Variants in NME7 observed in about 807,000 individuals in gnomAD.
The protein encoded by NME7 is nucleoside diphosphate kinase 7.
A neutral mutation model predicts 49.1 loss-of-function variants in NME7; 41 were observed. That is an observed-to-expected ratio of 0.83 (90% confidence interval 0.65 to 1.08). The LOEUF (loss-of-function observed/expected upper bound fraction) is 1.08. Among genes scored for constraint, NME7 ranks in the 50% least tolerant of loss-of-function variants. The probability of loss-of-function intolerance (pLI) is 0.00; values close to 1 mark genes in which losing one functional copy is unlikely to be tolerated. For missense variants in NME7, 423 were observed against 463.4 expected, an observed-to-expected ratio of 0.91 and a Z score of 0.80; for synonymous variants, 139 against 150.6, an observed-to-expected ratio of 0.92 and a Z score of 0.56.
intron 11 of NME7, among the ~76,000 whole-genome samples, chr1:169,140,039 A>AT (rs1658544188): frequency 6.6e-6 from 1 of 152,242 alleles, no homozygotes; most frequent in Non-Finnish European, 1.5e-5. Flanking sequence ...ACTGTAGATA[A>AT]TATCAGTGTT....
chr1:169,353,217 A>C (rs569177520), intron 1 of NME7, among the ~76,000 whole-genome samples: 27 of 152,234 alleles, frequency 1.8e-4, no homozygotes, highest in African/African-American at 6.0e-4. Flanking sequence ...ATGGAACAGA[A>C]TAGAGAACCC....
At chr1:169,312,150 A>C (rs961043685) in intron 3 of NME7, among the ~76,000 whole-genome samples, 2 of 152,192 alleles carry the variant, frequency 1.3e-5, no homozygotes, top group Non-Finnish European at 2.9e-5. Context: ...TTCACCTAGG[A>C]TCATTCACAC....
intron 10 of NME7, among the ~76,000 whole-genome samples, chr1:169,215,447 T>G (rs1489015802): frequency 1.3e-5 from 2 of 152,246 alleles, no homozygotes; most frequent in East Asian, 3.9e-4. Context: ...GGTTTCAGGT[T>G]TTTTGGCTTG....
chr1:169,153,305 G>A (rs991736353), intron 11 of NME7, among the ~76,000 whole-genome samples: 6 of 152,114 alleles, frequency 3.9e-5, no homozygotes, highest in African/African-American at 1.2e-4. Flanking sequence ...TTACCATAAT[G>A]TTCATTATTG....
chr1:169,285,222 C>T (rs1169041514), intron 7 of NME7: 1 of 151,792 alleles, frequency 6.6e-6, no homozygotes, highest in East Asian at 1.9e-4. Flanking sequence ...TAAACATAAA[C>T]CAGTGGTTGA....
intron 10 of NME7, among the ~76,000 whole-genome samples, chr1:169,188,102 C>T (rs894183475): frequency 3.3e-5 from 5 of 152,178 alleles, no homozygotes; most frequent in African/African-American, 1.2e-4. Context: ...TGTAGGGTTT[C>T]TGCAGAGAGA....
chr1:169,342,145 T>A (rs1183541485), intron 1 of NME7, among the ~76,000 whole-genome samples: 1 of 152,084 alleles, frequency 6.6e-6, no homozygotes, highest in Non-Finnish European at 1.5e-5. Flanking sequence ...CGAATTGTAA[T>A]CCCCACATGT....
At chr1:169,335,489 A>AT (rs1244655014) in intron 1 of NME7, among the ~76,000 whole-genome samples, 1 of 151,770 alleles carries the variant, frequency 6.6e-6, no homozygotes, top group Non-Finnish European at 1.5e-5. Context: ...ATTCTCACTC[A>AT]TAAGTGGGAG....
chr1:169,295,857 T>G (rs147688720), intron 6 of NME7, among the ~76,000 whole-genome samples: 232 of 152,298 alleles, frequency 1.5e-3, no homozygotes, highest in African/African-American at 5.0e-3. Context: ...TCATCCTCAC[T>G]TTCAGCTGTT....
chr1:169,155,632 T>C (rs985364551), intron 11 of NME7, among the ~76,000 whole-genome samples: 1 of 152,224 alleles, frequency 6.6e-6, no homozygotes, highest in South Asian at 2.1e-4. Context: ...TAAAATGCTG[T>C]TGGTGATTAA....
chr1:169,168,019 A>G (rs1387768424), intron 11 of NME7, among the ~76,000 whole-genome samples: 2 of 152,182 alleles, frequency 1.3e-5, no homozygotes, highest in Non-Finnish European at 2.9e-5. Context: ...AATTGGTCAC[A>G]GCTGGCGCCA....
chr1:169,228,748 T>A (rs886266777), intron 10 of NME7, among the ~76,000 whole-genome samples: 3 of 151,034 alleles, frequency 2.0e-5, no homozygotes, highest in Non-Finnish European at 4.4e-5. Context: ...AATCAGAAAT[T>A]TAAAATGTTA....
chr1:169,282,765 T>A (rs892971976), intron 7 of NME7, among the ~76,000 whole-genome samples: 4 of 152,158 alleles, frequency 2.6e-5, no homozygotes. Flanking sequence ...CAGTTTTGAG[T>A]GAGTTTATTA....
chr1:169,181,908 T>C (rs1260691968), intron 10 of NME7, among the ~76,000 whole-genome samples: 1 of 152,150 alleles, frequency 6.6e-6, no homozygotes, highest in Non-Finnish European at 1.5e-5. Context: ...CTCAGGCTCC[T>C]TTATTTCCAC....
chr1:169,228,602 G>T (rs973169554), intron 10 of NME7, among the ~76,000 whole-genome samples: 1 of 150,442 alleles, frequency 6.6e-6, no homozygotes, highest in African/African-American at 2.4e-5. Flanking sequence ...GCGTGAACCC[G>T]GGAAGCGGAG....
intron 11 of NME7, among the ~76,000 whole-genome samples, chr1:169,160,305 C>T (rs1557967265): frequency 6.6e-6 from 1 of 152,154 alleles, no homozygotes; most frequent in African/African-American, 2.4e-5. Context: ...AAAAACCTCA[C>T]CCCTGGGCCA....
chr1:169,292,887 A>G (rs527916185), intron 6 of NME7, among the ~76,000 whole-genome samples: 252 of 152,288 alleles, frequency 1.7e-3, no homozygotes, highest in Middle Eastern at 0.01. Context: ...GGAAAAACCT[A>G]CAAGATCTTT....
Position 169,190,971 on chromosome 1 carries a change from C to T in NME7, c.991-21417G>A, listed in dbSNP as rs573785324. 6.1e-4 allele frequency among the ~76,000 whole-genome samples: 70 copies of T among 115,522 alleles called. 13 individuals carry two copies. The highest frequency in any genetic ancestry group is 1.8e-3 in the African/African-American group (60 of 33,998). The allele number at this position is 115,522 out of a possible 152,430, so 75.8% of individuals were successfully genotyped here. A position where few individuals can be genotyped will look rare whatever the true frequency, so the allele number is the denominator to read the frequency against. ...GGGACTACAGGCGCCCGCCACTACG[C>T]CCGGCTAATTTTTTGTATTTTTAGT... is the stretch of plus-strand genomic sequence containing the variant. On this transcript the variant is annotated intron_variant, in intron 10 of 11. Coordinates refer to ENST00000367811, the MANE Select transcript of NME7 (RefSeq NM_013330.5).
intron 6 of NME7, among the ~76,000 whole-genome samples, chr1:169,291,987 T>G (rs1650525854): frequency 1.3e-5 from 2 of 152,116 alleles, no homozygotes; most frequent in Admixed American, 1.3e-4. Context: ...ACATTATCTC[T>G]GAGGTATGCT....
Sources: gnomAD v4.1 joint callset for allele counts (sites outside exome capture counted in the v4.1 genomes callset) on GRCh38, gnomAD v4.1.1 for gene constraint, MANE v1.5 for transcripts, NCBI Gene and HGNC (gene_info 2026-07-23, HGNC 2026-07-21) for gene names.